SYNE1: variants seen among roughly 807,000 people sequenced by gnomAD.
SYNE1 encodes spectrin repeat containing nuclear envelope protein 1, also known as nesprin-1.
Under a neutral mutation model 1,111.0 loss-of-function variants are expected in SYNE1, and 616 were observed. The ratio of observed to expected loss-of-function variants is 0.55; its 90% CI spans 0.52 to 0.59. The LOEUF is 0.59. Among genes scored for constraint, SYNE1 ranks in the 20% least tolerant of loss-of-function variants. The probability of loss-of-function intolerance (pLI) is 0.00; values close to 1 mark genes in which losing one functional copy is unlikely to be tolerated. For missense variants in SYNE1, 10,006 were observed against 10,417.0 expected (o/e 0.96, Z 1.72); for synonymous variants, 3,855 against 3,825.8 (o/e 1.01, Z -0.28).
At chr6:152,484,232 T>A (rs1035447563) in intron 13 of SYNE1, among the ~76,000 whole-genome samples, 39 of 151,368 alleles carry the variant, frequency 2.6e-4, no homozygotes, top group African/African-American at 9.2e-4. Flanking sequence ...TAAAATAAAG[T>A]AAAGAATATA....
intron 3 of SYNE1, among the ~76,000 whole-genome samples, chr6:152,609,053 C>T (rs1200987493): frequency 3.3e-5 from 5 of 152,102 alleles, no homozygotes; most frequent in African/African-American, 1.2e-4. Flanking sequence ...GAGTGATCGA[C>T]ACAGAAGACG....
chr6:152,294,299 T>A (rs1167747220), intron 93 of SYNE1, among the ~76,000 whole-genome samples, 172 bp from the exon 94 acceptor site: 1 of 152,186 alleles, frequency 6.6e-6, no homozygotes, highest in Non-Finnish European at 1.5e-5. Context: ...AAAGACTGTA[T>A]CAAAGCACAC....
At chr6:152,206,863 T>C (rs546329559) in intron 125 of SYNE1, among the ~76,000 whole-genome samples, 21 of 151,826 alleles carry the variant, frequency 1.4e-4, no homozygotes, top group Admixed American at 2.0e-4. Context: ...GTGGCTGGAG[T>C]GTGGATGGCA....
rs146919170 is a variant in SYNE1, at chr6:152,352,132, G to A, written c.11475C>T (p.Cys3825=). ...LHLAKEFSDK[C]KALTQWIAEY... ...CTGCTATCCACTGTGTCAGTGCTTT[G>A]CATTTATCTGAGAATTCCTTTGCTA... is the stretch of plus-strand genomic sequence containing the variant. Residue 3825 remains cysteine (C), a synonymous_variant, in exon 70 of 146, where the codon TGC becomes TGT. Coordinates refer to ENST00000367255, the MANE Select transcript of SYNE1 (RefSeq NM_182961.4). 6.2e-7 allele frequency: 1 copy of A among 1,614,168 alleles called. No homozygotes were observed. The highest frequency in any genetic ancestry group is 1.7e-5 in the Admixed American group (1 of 60,020).
At chr6:152,317,485 G>A (rs570536685) in intron 86 of SYNE1, among the ~76,000 whole-genome samples, 8 of 152,048 alleles carry the variant, frequency 5.3e-5, no homozygotes, top group African/African-American at 1.9e-4. Context: ...CAAAGTACTA[G>A]GATTATAGGT....
intron 3 of SYNE1, among the ~76,000 whole-genome samples, chr6:152,628,002 A>T (rs2099689407): frequency 6.6e-6 from 1 of 151,298 alleles, no homozygotes; most frequent in Non-Finnish European, 1.5e-5. Flanking sequence ...CAACTGGACA[A>T]TGAATAACCA....
intron 9 of SYNE1, 137 bp from the exon 10 acceptor site, chr6:152,502,879 C>T (rs528736260): frequency 7.0e-5 from 49 of 695,886 alleles, no homozygotes; most frequent in Middle Eastern, 3.2e-4. Context: ...GAATTTTGGA[C>T]GGGGAGGAGG....
In SYNE1 at chr6:152,331,735, T is replaced by C. The variant is rs1194662534; in HGVS notation, c.12950A>G (p.Gln4317Arg). Residue 4317 changes from glutamine to arginine, a missense_variant, in exon 78 of 146, where the codon CAG becomes CGG. Physicochemically the swap from Gln to Arg is conservative, Grantham distance 43. Transcript: ENST00000367255. Reference sequence around the variant, plus strand: ...CCAACGTTGCTCTAAATGACTCGTCTGTTCTTTGACTAACTCCTTGTCATC... The same window carrying C: ...CCAACGTTGCTCTAAATGACTCGTCCGTTCTTTGACTAACTCCTTGTCATC... The part of the protein sequence containing the change: ...NLDDKELVKE[Q>R]TSHLEQRWFQ... 3.1e-6 allele frequency: 5 copies of C among 1,614,236 alleles called. 1 individual carries two copies. The South Asian group carries it at 5.5e-5, about 18-fold the overall frequency.
At chr6:152,548,988 TAGA>T (rs1484742015) in intron 3 of SYNE1, among the ~76,000 whole-genome samples, 6 of 152,212 alleles carry the variant, frequency 3.9e-5, no homozygotes, top group Non-Finnish European at 5.9e-5. Context: ...CAGTTTATAT[TAGA>T]AGATGTTTCC....
At chr6:152,583,454 T>C (rs555816952) in intron 3 of SYNE1, among the ~76,000 whole-genome samples, 12 of 152,224 alleles carry the variant, frequency 7.9e-5, no homozygotes, top group Non-Finnish European at 1.0e-4. Flanking sequence ...TGTCACCAGC[T>C]TTCTAAGGTT....
intron 49 of SYNE1, 40 bp downstream of exon 49, chr6:152,398,579 A>T (rs2097769898): frequency 6.4e-7 from 1 of 1,550,396 alleles, no homozygotes; most frequent in African/African-American, 1.4e-5. Flanking sequence ...GCACCTGAGT[A>T]CATTTTGGGG....
intron 98 of SYNE1, among the ~76,000 whole-genome samples, chr6:152,275,848 T>C (rs2093581696): frequency 6.8e-6 from 1 of 146,868 alleles, no homozygotes. Flanking sequence ...GTCCCTGCAC[T>C]CCAGCCTGGG....
chr6:152,353,359 A>G lies in SYNE1; in HGVS notation c.11157T>C (p.Asp3719=). Residue 3719 remains aspartate, a synonymous_variant, in exon 69 of 146, where the codon GAT becomes GAC. Transcript: ENST00000367255. ...AGTTTTTATGAGTAGAGCCATACCA[A>G]TCAGAATAGGAACTGAGGGATGATT... is the stretch of plus-strand genomic sequence containing the variant. ...ESESSLSSYS[D]WYGSTHKNFK... The G allele has an allele frequency of 6.2e-7, 1 of 1,614,220 alleles. No individual in the cohort carries two copies. The highest frequency in any genetic ancestry group is 1.1e-5 in the South Asian group (1 of 91,084).
At chr6:152,155,770 G>T in intron 132 of SYNE1, 140 bp downstream of exon 132, 1 of 980,782 alleles carries the variant, frequency 1.0e-6, no homozygotes, top group Non-Finnish European at 1.6e-6. Flanking sequence ...ACTAAATGTA[G>T]ACAATAGTAA....
At chr6:152,491,361 A>G (rs1234106830) in intron 11 of SYNE1, among the ~76,000 whole-genome samples, 1 of 152,080 alleles carries the variant, frequency 6.6e-6, no homozygotes, top group Non-Finnish European at 1.5e-5. Context: ...GCTCACCCAC[A>G]TTACAGCCCA....
rs147189591 is a variant in SYNE1, at chr6:152,137,207, G to A, written c.25459-389C>T. On this transcript the variant is annotated intron_variant, in intron 140 of 145. Coordinates refer to ENST00000367255, the MANE Select transcript of SYNE1 (RefSeq NM_182961.4). ...AAATCAAATGGGAACTTAGAGTTCAGCCAGGGTAGGGGGTGCAGGGGGGAG... is the reference window on the plus strand; with the variant it reads ...AAATCAAATGGGAACTTAGAGTTCAACCAGGGTAGGGGGTGCAGGGGGGAG... 3.3e-5 allele frequency among the ~76,000 whole-genome samples: 5 copies of A among 152,328 alleles called. No individual in the cohort carries two copies. The East Asian group carries it at 9.6e-4, about 29-fold the overall frequency.
chr6:152,277,820 T>C, intron 98 of SYNE1: 2 of 515,518 alleles, frequency 3.9e-6, no homozygotes, highest in Non-Finnish European at 7.1e-6. Context: ...GTTCCTCTCC[T>C]CTCATTGTTA....
rs775744468 is a variant in SYNE1, at chr6:152,164,219, T to C, written c.23734A>G (p.Ile7912Val). ...TCCGAGTTACAGGAATCGTAGACTA[T>C]TGGCTTGGCCAGCTCTGACTCGATG... ...AHIESELAKP[I>V]VYDSCNSEEI... Residue 7912 changes from isoleucine (I) to valine (V), a missense_variant, in exon 131 of 146, where the codon ATA becomes GTA. This residue lies in a region of SYNE1 where 2,182 missense variants were observed against 2,287.8 expected (regional missense o/e 0.95). Coordinates refer to ENST00000367255, the MANE Select transcript of SYNE1 (RefSeq NM_182961.4). 1 of 1,614,194 alleles carries C rather than the reference T, an allele frequency of 6.2e-7. No individual in the cohort carries two copies. The highest frequency in any genetic ancestry group is 8.5e-7 in the Non-Finnish European group (1 of 1,180,034).
chr6:152,486,367 A>C (rs1304239763), intron 12 of SYNE1, among the ~76,000 whole-genome samples: 1 of 152,226 alleles, frequency 6.6e-6, no homozygotes, highest in Non-Finnish European at 1.5e-5. Context: ...TGTAAAGATG[A>C]AATGAAATTT....
Sources: gnomAD v4.1 joint callset for allele counts (sites outside exome capture counted in the v4.1 genomes callset) on GRCh38, gnomAD v4.1.1 for gene constraint, gnomAD v4.1.1 regional missense constraint, MANE v1.5 for transcripts, NCBI Gene and HGNC (gene_info 2026-07-23, HGNC 2026-07-21) for gene names.